The following EDIL3 variants were observed in gnomAD, a reference collection of about 807,000 sequenced individuals.
EDIL3 encodes EGF like and discoidin domains 3, also known as EGF-like repeat and discoidin I-like domain-containing protein 3.
EDIL3 carries 37 observed loss-of-function variants against 67.4 expected under a neutral mutation model. The ratio of observed to expected loss-of-function variants is 0.55; its 90% confidence interval spans 0.42 to 0.72. The LOEUF (loss-of-function observed/expected upper bound fraction) is 0.72. Among genes scored for constraint, EDIL3 ranks in the 30% least tolerant of loss-of-function variants. The pLI is 0.00. For missense variants in EDIL3, 527 were observed against 586.3 expected (o/e 0.90, Z 1.04); for synonymous variants, 195 against 196.3 (o/e 0.99, Z 0.05).
chr5:84,285,367 C>T (rs1166487488), intron 1 of EDIL3, among the ~76,000 whole-genome samples: 1 of 152,162 alleles, frequency 6.6e-6, no homozygotes, highest in Non-Finnish European at 1.5e-5. Context: ...TGCTACTTTG[C>T]CTACATATTG....
chr5:84,333,166 A>C (rs1003067381), intron 1 of EDIL3, among the ~76,000 whole-genome samples: 2 of 152,178 alleles, frequency 1.3e-5, no homozygotes, highest in African/African-American at 4.8e-5. Flanking sequence ...TTCTATAGAG[A>C]CATTTGAAGA....
At chr5:84,332,163 G>A (rs1194905059) in intron 1 of EDIL3, among the ~76,000 whole-genome samples, 3 of 152,128 alleles carry the variant, frequency 2.0e-5, no homozygotes, top group Non-Finnish European at 4.4e-5. Flanking sequence ...GAGGCTAGAA[G>A]TTTGAGACCA....
chr5:84,080,906 C>A (rs1454487062), intron 6 of EDIL3, among the ~76,000 whole-genome samples: 1 of 152,110 alleles, frequency 6.6e-6, no homozygotes, highest in Non-Finnish European at 1.5e-5. Flanking sequence ...ATAAAAGGAC[C>A]TTTAAACTAT....
intron 2 of EDIL3, among the ~76,000 whole-genome samples, chr5:84,239,619 T>C (rs1744757458): frequency 6.6e-6 from 1 of 152,306 alleles, no homozygotes; most frequent in Non-Finnish European, 1.5e-5. Flanking sequence ...GAACTGGTAA[T>C]CTTATCTTCT....
intron 3 of EDIL3, among the ~76,000 whole-genome samples, chr5:84,199,985 G>C (rs1459694004): frequency 6.6e-6 from 1 of 151,958 alleles, no homozygotes; most frequent in African/African-American, 2.4e-5. Context: ...CATGTCTATG[G>C]GTTTTTTAAA....
intron 1 of EDIL3, among the ~76,000 whole-genome samples, chr5:84,336,310 A>G (rs1407170723): frequency 6.6e-6 from 1 of 152,156 alleles, no homozygotes; most frequent in African/African-American, 2.4e-5. Flanking sequence ...TGCAAAGGTA[A>G]ATGTGGATCA....
intron 1 of EDIL3, among the ~76,000 whole-genome samples, chr5:84,268,546 T>C (rs1745396301): frequency 6.6e-6 from 1 of 152,208 alleles, no homozygotes; most frequent in Admixed American, 6.5e-5. Context: ...TATTTGACAT[T>C]GATATTAGTT....
chr5:84,306,175 G>A (rs1746272719), intron 1 of EDIL3, among the ~76,000 whole-genome samples: 1 of 152,112 alleles, frequency 6.6e-6, no homozygotes, highest in African/African-American at 2.4e-5. Flanking sequence ...TTTTTTCACT[G>A]TTGGTGGAGA....
intron 3 of EDIL3, among the ~76,000 whole-genome samples, chr5:84,184,848 G>C (rs567648636): frequency 6.6e-5 from 10 of 152,156 alleles, no homozygotes; most frequent in Non-Finnish European, 1.2e-4. Flanking sequence ...CACGCCAAAA[G>C]ACATCATGAC....
intron 1 of EDIL3, among the ~76,000 whole-genome samples, chr5:84,336,875 A>G (rs1308953289): frequency 2.0e-5 from 3 of 152,094 alleles, no homozygotes; most frequent in Non-Finnish European, 4.4e-5. Context: ...TCTGAGACAA[A>G]TTTTTAAAAA....
At chr5:84,121,384 C>T (rs1747770771) in intron 5 of EDIL3, among the ~76,000 whole-genome samples, 1 of 151,550 alleles carries the variant, frequency 6.6e-6, no homozygotes, top group Admixed American at 6.6e-5. Context: ...CCTATTTGTC[C>T]TCTCTTTTCT....
chr5:84,346,125 C>G (rs1369779900), intron 1 of EDIL3, among the ~76,000 whole-genome samples: 2 of 125,110 alleles, frequency 1.6e-5, no homozygotes, highest in Non-Finnish European at 3.4e-5. Flanking sequence ...AGTCATCAAA[C>G]TTTTTTTTTC....
chr5:84,146,284 A>T (rs1488243763), intron 4 of EDIL3, among the ~76,000 whole-genome samples: 1 of 152,074 alleles, frequency 6.6e-6, no homozygotes, highest in African/African-American at 2.4e-5. Flanking sequence ...TGAAAGTGTA[A>T]ATAAGTTGCC....
In EDIL3 at chr5:84,356,889, C is replaced by CTTTTT. The variant is rs1189590387; in HGVS notation, c.67+27414_67+27418dup. On this transcript the variant is annotated intron_variant, in intron 1 of 10. Transcript: ENST00000296591. ...GACCTTGAGAAAACAATCTTTCTTT[C>CTTTTT]TTTTTTTTTTTTTTTTTTTTTTTTT... Among the ~76,000 whole-genome samples the CTTTTT allele has an allele frequency of 7.3e-3, 233 of 32,106 alleles. 6 individuals are homozygous for CTTTTT. The highest frequency in any genetic ancestry group is 0.01 in the Non-Finnish European group (157 of 15,592). The allele number at this position is 32,106 out of a possible 152,430, so 21.1% of individuals were successfully genotyped here. A position where few individuals can be genotyped will look rare whatever the true frequency, so the allele number is the denominator to read the frequency against.
At chr5:84,137,455 A>G in intron 4 of EDIL3, 101 bp from the exon 5 acceptor site, 2 of 1,038,838 alleles carry the variant, frequency 1.9e-6, no homozygotes, top group East Asian at 2.5e-5. Flanking sequence ...TAGTAATGCT[A>G]TTCCTTTGTG....
At chr5:84,219,301 G>A (rs377722769) in intron 3 of EDIL3, among the ~76,000 whole-genome samples, 7 of 152,298 alleles carry the variant, frequency 4.6e-5, no homozygotes, top group South Asian at 2.1e-4. Flanking sequence ...CAAAATGCTC[G>A]TGAATGACTA....
At chr5:84,204,774 G>A (rs895034216) in intron 3 of EDIL3, among the ~76,000 whole-genome samples, 2 of 132,828 alleles carry the variant, frequency 1.5e-5, no homozygotes, top group African/African-American at 2.9e-5. Context: ...CCCTTTACAA[G>A]CATAAGTTAA....
Position 84,309,784 on chromosome 5 carries a change from A to G in EDIL3, c.68-55572T>C, listed in dbSNP as rs574395899. On this transcript the variant is annotated intron_variant, in intron 1 of 10. Coordinates refer to ENST00000296591, the MANE Select transcript of EDIL3 (RefSeq NM_005711.5). ...TTGATTCCAAGTCTTTGCTATTGTGAATAGTGCCGCAATAAACACGTGTGC... is the reference window on the plus strand; with the variant it reads ...TTGATTCCAAGTCTTTGCTATTGTGGATAGTGCCGCAATAAACACGTGTGC... 2.6e-4 allele frequency among the ~76,000 whole-genome samples: 40 copies of G among 152,310 alleles called. 1 individual carries two copies. The South Asian group carries it at 8.1e-3, about 31-fold the overall frequency.
chr5:84,069,858 C>T (rs1189267381), intron 6 of EDIL3, among the ~76,000 whole-genome samples: 1 of 152,082 alleles, frequency 6.6e-6, no homozygotes, highest in East Asian at 1.9e-4. Flanking sequence ...GTAAAAGCCC[C>T]CAGACCCTAG....
Sources: gnomAD v4.1 joint callset for allele counts (sites outside exome capture counted in the v4.1 genomes callset) on GRCh38, gnomAD v4.1.1 for gene constraint, MANE v1.5 for transcripts, NCBI Gene and HGNC (gene_info 2026-07-23, HGNC 2026-07-21) for gene names.